CSMD3: variants seen among roughly 807,000 people sequenced by gnomAD.
CSMD3 encodes the protein CUB and sushi domain-containing protein 3.
A neutral mutation model predicts 435.2 loss-of-function variants in CSMD3; 177 were observed. That is an observed-to-expected ratio of 0.41 (90% CI 0.36 to 0.46). The LOEUF is 0.46. Ranked by LOEUF, CSMD3 falls within the 20% of genes least tolerant of loss-of-function variation. The pLI is 0.34. For synonymous variants in CSMD3, 1,656 were observed against 1,520.5 expected (o/e 1.09, Z -2.07); for missense variants, 4,265 against 4,504.6 (o/e 0.95, Z 1.52).
At position 112,228,897 on chromosome 8, in the gene CSMD3, A is replaced by C; in HGVS notation, c.10829-6T>G. 7.2e-7 allele frequency: 1 copy of C among 1,381,190 alleles called. No individual in the cohort carries two copies. Among genetic ancestry groups the C allele is most frequent in the Non-Finnish European group, 1.0e-6 (1 of 974,454 alleles). The allele number at this position is 1,381,190 out of a possible 1,614,324, so 85.6% of individuals were successfully genotyped here. ...ACCTTCTGACATATTCAGTCCTACAAAATAAAAAATAAATTATAAATACAC... is the reference window on the plus strand; with the variant it reads ...ACCTTCTGACATATTCAGTCCTACACAATAAAAAATAAATTATAAATACAC... On this transcript the variant is annotated splice_polypyrimidine_tract_variant and splice_region_variant and intron_variant, in intron 69 of 70. Coordinates refer to ENST00000297405, the MANE Select transcript of CSMD3 (RefSeq NM_198123.2).
intron 28 of CSMD3, among the ~76,000 whole-genome samples, chr8:112,507,398 C>T (rs1180176283): frequency 6.6e-6 from 1 of 152,046 alleles, no homozygotes; most frequent in Non-Finnish European, 1.5e-5. Flanking sequence ...CTAAACAGAG[C>T]TTGTGTTCAA....
chr8:112,910,311 C>T (rs1174230528), intron 10 of CSMD3, among the ~76,000 whole-genome samples: 12 of 151,608 alleles, frequency 7.9e-5, no homozygotes, highest in Admixed American at 7.3e-4. Context: ...TCCCTGACCT[C>T]CCTATTCATA....
intron 16 of CSMD3, among the ~76,000 whole-genome samples, chr8:112,680,626 A>G (rs1197569168): frequency 6.6e-6 from 1 of 152,164 alleles, no homozygotes; most frequent in Non-Finnish European, 1.5e-5. Context: ...TTGAAGTTTG[A>G]AAAAGAACAC....
chr8:112,683,775 C>T (rs2075954199), intron 15 of CSMD3, among the ~76,000 whole-genome samples: 1 of 151,840 alleles, frequency 6.6e-6, no homozygotes, highest in African/African-American at 2.4e-5. Context: ...AATTTTCTCA[C>T]TAATCATCAC....
At chr8:112,688,541 T>C (rs545433866) in intron 14 of CSMD3, among the ~76,000 whole-genome samples, 1 of 152,242 alleles carries the variant, frequency 6.6e-6, no homozygotes. Context: ...TTTGAAATAG[T>C]GATTTATCAT....
chr8:113,138,417 G>C (rs924461067), intron 4 of CSMD3, among the ~76,000 whole-genome samples: 3 of 151,350 alleles, frequency 2.0e-5, no homozygotes, highest in Admixed American at 1.3e-4. Context: ...TAGTAATTTT[G>C]CTGCCATTTT....
chr8:112,489,722 T>C (rs1421178546), intron 31 of CSMD3, among the ~76,000 whole-genome samples: 1 of 152,184 alleles, frequency 6.6e-6, no homozygotes, highest in Non-Finnish European at 1.5e-5. Context: ...ATTAAAGATA[T>C]CTAGCTCTAA....
At chr8:112,426,741 A>G (rs1000776173) in intron 32 of CSMD3, among the ~76,000 whole-genome samples, 3 of 152,162 alleles carry the variant, frequency 2.0e-5, no homozygotes, top group African/African-American at 7.2e-5. Flanking sequence ...ATTCTGACTT[A>G]CATATATTTT....
chr8:112,254,842 T>C (rs879574906), intron 62 of CSMD3, among the ~76,000 whole-genome samples: 4 of 152,104 alleles, frequency 2.6e-5, no homozygotes, highest in Non-Finnish European at 5.9e-5. Flanking sequence ...GTTTACCAAA[T>C]ATGGCATTAA....
intron 1 of CSMD3, among the ~76,000 whole-genome samples, chr8:113,394,216 T>C (rs2094473538): frequency 6.6e-6 from 1 of 151,600 alleles, no homozygotes; most frequent in Non-Finnish European, 1.5e-5. Flanking sequence ...TAAACATACT[T>C]GGGAAATTCT....
intron 27 of CSMD3, among the ~76,000 whole-genome samples, chr8:112,544,232 C>T (rs1826949289): frequency 6.6e-6 from 1 of 151,922 alleles, no homozygotes; most frequent in African/African-American, 2.4e-5. Context: ...ATTGTTCTTA[C>T]CACAGTAAAA....
At chr8:112,702,506 A>G (rs187770045) in intron 13 of CSMD3, among the ~76,000 whole-genome samples, 5 of 152,216 alleles carry the variant, frequency 3.3e-5, no homozygotes, top group African/African-American at 1.2e-4. Flanking sequence ...ATTGAAAGAT[A>G]TGAGTGCTGG....
At chr8:113,356,246 C>G (rs930392906) in intron 1 of CSMD3, among the ~76,000 whole-genome samples, 1 of 152,074 alleles carries the variant, frequency 6.6e-6, no homozygotes, top group African/African-American at 2.4e-5. Flanking sequence ...AGTTTACCCC[C>G]AGTTTTAGTG....
At chr8:112,798,067 A>G (rs1373348729) in intron 13 of CSMD3, among the ~76,000 whole-genome samples, 1 of 151,932 alleles carries the variant, frequency 6.6e-6, no homozygotes. Context: ...TTCACGGTTT[A>G]TAAAATAGAG....
chr8:112,677,569 A>T (rs1005279147), intron 16 of CSMD3, among the ~76,000 whole-genome samples: 15 of 150,756 alleles, frequency 9.9e-5, no homozygotes, highest in Admixed American at 5.3e-4. Flanking sequence ...GTACTGTCTC[A>T]TGGTAAAAAT....
At chr8:112,703,618 A>G (rs954445020) in intron 13 of CSMD3, among the ~76,000 whole-genome samples, 15 of 152,160 alleles carry the variant, frequency 9.9e-5, no homozygotes, top group Middle Eastern at 3.2e-3. Flanking sequence ...TATAATTCAA[A>G]TACTTCACAG....
At chr8:112,330,857 A>G (rs1373287568) in intron 45 of CSMD3, among the ~76,000 whole-genome samples, 2 of 152,062 alleles carry the variant, frequency 1.3e-5, no homozygotes, top group African/African-American at 2.4e-5. Flanking sequence ...CTTAATAAGA[A>G]TACAATGAAT....
chr8:113,212,367 T>A (rs563815177), intron 3 of CSMD3, among the ~76,000 whole-genome samples: 3 of 152,226 alleles, frequency 2.0e-5, no homozygotes, highest in African/African-American at 7.2e-5. Flanking sequence ...ATACAATAAG[T>A]ACAAGTTTAA....
At chr8:113,401,644 A>G (rs1211463145) in intron 1 of CSMD3, among the ~76,000 whole-genome samples, 1 of 151,670 alleles carries the variant, frequency 6.6e-6, no homozygotes, top group Non-Finnish European at 1.5e-5. Context: ...AAGTTCTAGT[A>G]AAATAAAATT....
Sources: gnomAD v4.1 joint callset for allele counts (sites outside exome capture counted in the v4.1 genomes callset) on GRCh38, gnomAD v4.1.1 for gene constraint, MANE v1.5 for transcripts, NCBI Gene and HGNC (gene_info 2026-07-23, HGNC 2026-07-21) for gene names.